The following DYNLT2 variants were observed in gnomAD, a reference collection of about 807,000 sequenced individuals.
DYNLT2 encodes dynein light chain Tctex-type 2.
A neutral mutation model predicts 24.3 loss-of-function variants in DYNLT2; 24 were observed. The observed-to-expected ratio is 0.99, with a 90% CI of 0.71 to 1.39. The LOEUF (loss-of-function observed/expected upper bound fraction) is 1.39, where lower values mean the gene tolerates loss of function less well. Ranked by LOEUF, DYNLT2 falls within the 40% of genes most tolerant of loss-of-function variation. The pLI, the probability that DYNLT2 is intolerant of heterozygous loss-of-function variation, is 0.00. For missense variants in DYNLT2, 246 were observed against 234.5 expected, an observed-to-expected ratio of 1.05 and a Z score of -0.32; for synonymous variants, 85 against 85.4, an observed-to-expected ratio of 1.00 and a Z score of 0.03.
intron 1 of DYNLT2, 138 bp downstream of exon 1, chr6:169,751,201 G>T: frequency 7.4e-7 from 1 of 1,348,530 alleles, no homozygotes; most frequent in Non-Finnish European, 1.0e-6. Context: ...TTCGCATCTG[G>T]GGAAAAAAGA....
downstream of DYNLT2, chr6:169,740,087 A>T: frequency 1.2e-6 from 1 of 805,858 alleles, no homozygotes; most frequent in Non-Finnish European, 2.0e-6. Context: ...GAGAATAAGA[A>T]TATAGCAAAT....
chr6:169,744,401 A>C (rs554641090), intron 1 of DYNLT2, 127 bp from the exon 2 acceptor site: 2 of 783,590 alleles, frequency 2.6e-6, no homozygotes, highest in East Asian at 5.4e-5. Context: ...GAAATTTGTT[A>C]AACAGATTTC....
the DYNLT2 span, among the ~76,000 whole-genome samples, chr6:169,728,489 A>G: frequency 6.6e-6 from 1 of 152,228 alleles, no homozygotes; most frequent in African/African-American, 2.4e-5. Context: ...GCATACAGCC[A>G]GTCCTAGCTT....
In DYNLT2 at chr6:169,751,564, G is replaced by GT. The variant is rs1790081070; in HGVS notation, c.-107dup. ...AAGTCTCCCACCTGCGCCTCGTACG[G>GT]TAGGAAGTGCCCGCCAGGGCTCCAA... On this transcript the variant is annotated 5_prime_UTR_variant, in exon 1 of 4. Coordinates refer to ENST00000366774, the MANE Select transcript of DYNLT2 (RefSeq NM_174910.3). 6.2e-7 allele frequency: 1 copy of GT among 1,609,306 alleles called. No homozygotes were observed. Among genetic ancestry groups the GT allele is most frequent in the African/African-American group, 1.3e-5 (1 of 74,756 alleles).
At chr6:169,728,496 GC>G in the DYNLT2 span, among the ~76,000 whole-genome samples, 2 of 152,214 alleles carry the variant, frequency 1.3e-5, no homozygotes. Flanking sequence ...GCCAGTCCTA[GC>G]TTGGCATGGT....
At chr6:169,727,346 G>A in the DYNLT2 span, among the ~76,000 whole-genome samples, 1 of 152,066 alleles carries the variant, frequency 6.6e-6, no homozygotes, top group Non-Finnish European at 1.5e-5. Context: ...AGCACATGTT[G>A]GTATACTGAA....
At chr6:169,730,684 G>T in the DYNLT2 span, among the ~76,000 whole-genome samples, 2 of 152,130 alleles carry the variant, frequency 1.3e-5, no homozygotes, top group South Asian at 4.1e-4. Flanking sequence ...GGATCACGAA[G>T]TCAGGAGATC....
downstream of DYNLT2, among the ~76,000 whole-genome samples, chr6:169,735,153 A>G (rs928342013): frequency 6.6e-6 from 1 of 151,676 alleles, no homozygotes; most frequent in Admixed American, 6.6e-5. Context: ...ATCATTTTTT[A>G]TTGTGTCTAT....
Position 169,743,184 on chromosome 6 carries a change from C to T in DYNLT2, c.382G>A (p.Glu128Lys). ...DDKVFSHLSL[E>K]LADRILLAVK... ...GCTAACAGTATGCGGTCTGCCAATT[C>T]AAGTGACAAGTGAGAGAATACTTTA... The change falls in exon 3 of 4, where the codon GAA becomes AAA. Residue 128 changes from glutamate (E) to lysine (K), a missense_variant. Glu to Lys is a moderately conservative substitution (Grantham distance 56). Coordinates refer to ENST00000366774, the MANE Select transcript of DYNLT2 (RefSeq NM_174910.3). The T allele has an allele frequency of 6.4e-7, 1 of 1,572,636 alleles. No homozygotes were observed. The highest frequency in any genetic ancestry group is 1.2e-5 in the South Asian group (1 of 84,806).
At chr6:169,738,897 C>T (rs1789615577), downstream of DYNLT2, 1 of 152,176 alleles carries the variant, frequency 6.6e-6, no homozygotes, top group African/African-American at 2.4e-5. Flanking sequence ...CGCAGCCAAA[C>T]TCCATTTGGA....
At chr6:169,744,689 TTTA>T (rs1789755467) in intron 1 of DYNLT2, among the ~76,000 whole-genome samples, 1 of 152,060 alleles carries the variant, frequency 6.6e-6, no homozygotes, top group East Asian at 1.9e-4. Flanking sequence ...GTCTTAAAAT[TTTA>T]TTTTACTTCA....
downstream of DYNLT2, among the ~76,000 whole-genome samples, chr6:169,735,197 T>C (rs181192119): frequency 5.5e-4 from 84 of 152,120 alleles, no homozygotes; most frequent in Admixed American, 1.5e-3. Context: ...ATCTAGCTAG[T>C]GGTCTTTCTA....
intron 1 of DYNLT2, among the ~76,000 whole-genome samples, chr6:169,746,440 C>A (rs1483277362): frequency 6.6e-6 from 1 of 152,044 alleles, no homozygotes; most frequent in African/African-American, 2.4e-5. Context: ...TTATTTAGCT[C>A]AAAATATTTT....
At chr6:169,736,795 G>A (rs1357609404), downstream of DYNLT2, among the ~76,000 whole-genome samples, 1 of 152,016 alleles carries the variant, frequency 6.6e-6, no homozygotes, top group Non-Finnish European at 1.5e-5. Flanking sequence ...TGTGTCTTGG[G>A]GTTGATCTTC....
chr6:169,735,295 T>G (rs1319849688), downstream of DYNLT2, among the ~76,000 whole-genome samples: 2 of 152,150 alleles, frequency 1.3e-5, no homozygotes, highest in Non-Finnish European at 2.9e-5. Context: ...TCAATTCTTC[T>G]CTGATGTTAG....
rs1192497516 is a variant in DYNLT2 at position 169,751,057 on chromosome 6, T to C, written c.120+282A>G. ...ACTCTCAGGAAATCCGCAAGCTGAG[T>C]AAATTTGAAAAGAAGATCTTGTAAC... On this transcript the variant is annotated intron_variant, in intron 1 of 3. Transcript: ENST00000366774. 3 of 350,362 alleles carry C rather than the reference T, an allele frequency of 8.6e-6. No homozygotes were observed. The East Asian group carries it at 1.6e-4, about 18-fold the overall frequency. The allele number at this position is 350,362 out of a possible 1,614,324, so 21.7% of individuals were successfully genotyped here.
chr6:169,738,948 A>G (rs1410821923), downstream of DYNLT2: 5 of 152,310 alleles, frequency 3.3e-5, no homozygotes, highest in Non-Finnish European at 5.9e-5. Flanking sequence ...CTTAACTCTC[A>G]TAAGTGGAAA....
downstream of DYNLT2, among the ~76,000 whole-genome samples, chr6:169,737,981 C>T (rs145498693): frequency 0.013 from 1,956 of 151,956 alleles, 33 homozygotes; most frequent in African/African-American, 0.044. Flanking sequence ...CAGGGAGATC[C>T]AAATTCTGTC....
At chr6:169,731,402 G>A in the DYNLT2 span, among the ~76,000 whole-genome samples, 6 of 152,152 alleles carry the variant, frequency 3.9e-5, no homozygotes, top group African/African-American at 1.4e-4. Context: ...CTTCCAAGAT[G>A]AAAACTCCAT....
Sources: allele counts gnomAD v4.1 joint callset (sites outside exome capture counted in the v4.1 genomes callset), GRCh38; gene constraint gnomAD v4.1.1; transcripts MANE v1.5; gene names NCBI Gene and HGNC (gene_info 2026-07-23, HGNC 2026-07-21).